Variants in PARD3 observed in about 807,000 individuals in gnomAD.
PARD3 encodes the protein partitioning defective 3 homolog.
Under a neutral mutation model 155.4 loss-of-function variants are expected in PARD3, and 75 were observed. The observed-to-expected ratio is 0.48, with a 90% CI of 0.40 to 0.58. PARD3 has a LOEUF of 0.58. PARD3 is among the 20% of genes least tolerant of loss of function. The probability of loss-of-function intolerance (pLI) is 0.00; values close to 1 mark genes in which losing one functional copy is unlikely to be tolerated. For missense variants in PARD3, 1,642 were observed against 1,721.7 expected, an observed-to-expected ratio of 0.95 and a Z score of 0.82; for synonymous variants, 576 against 610.5, an observed-to-expected ratio of 0.94 and a Z score of 0.83.
intron 2 of PARD3, among the ~76,000 whole-genome samples, chr10:34,641,675 C>T (rs747911568): frequency 4.6e-5 from 7 of 152,274 alleles, no homozygotes; most frequent in Non-Finnish European, 7.4e-5. Flanking sequence ...CTCCACATGG[C>T]GGAGCACCAC....
At chr10:34,233,882 A>G (rs1026782464) in intron 22 of PARD3, among the ~76,000 whole-genome samples, 3 of 152,074 alleles carry the variant, frequency 2.0e-5, no homozygotes, top group African/African-American at 7.3e-5. Context: ...CTGAGCTCCA[A>G]GGTGGCCCTT....
At chr10:34,648,311 T>A (rs1200694547) in intron 2 of PARD3, among the ~76,000 whole-genome samples, 1 of 152,238 alleles carries the variant, frequency 6.6e-6, no homozygotes, top group Non-Finnish European at 1.5e-5. Flanking sequence ...ATTTTTAATA[T>A]TGATGTATTT....
At chr10:34,736,348 T>G (rs1590880463) in intron 1 of PARD3, among the ~76,000 whole-genome samples, 1 of 135,322 alleles carries the variant, frequency 7.4e-6, no homozygotes, top group Admixed American at 7.4e-5. Context: ...TTTTTTTTGG[T>G]GATAGGGTCT....
chr10:34,230,828 G>T (rs1217019628), intron 22 of PARD3, among the ~76,000 whole-genome samples: 1 of 152,096 alleles, frequency 6.6e-6, no homozygotes, highest in African/African-American at 2.4e-5. Flanking sequence ...AGGAGTTTGA[G>T]AGCAGCCTGG....
chr10:34,217,753 C>T (rs913004749), intron 22 of PARD3, among the ~76,000 whole-genome samples: 1 of 152,156 alleles, frequency 6.6e-6, no homozygotes, highest in South Asian at 2.1e-4. Flanking sequence ...TTCATATTTA[C>T]TGAATTCCTA....
intron 1 of PARD3, among the ~76,000 whole-genome samples, chr10:34,724,435 T>A (rs1313948623): frequency 6.6e-6 from 1 of 151,238 alleles, no homozygotes; most frequent in Non-Finnish European, 1.5e-5. Flanking sequence ...GCTCATACAT[T>A]GGCTAGAAAA....
chr10:34,353,056 C>A (rs1838332224), intron 14 of PARD3, among the ~76,000 whole-genome samples: 1 of 150,690 alleles, frequency 6.6e-6, no homozygotes, highest in African/African-American at 2.4e-5. Context: ...AAGTGAGGAG[C>A]CCCTCCGCCC....
At chr10:34,622,819 C>CTTTTTT (rs1391152056) in intron 2 of PARD3, among the ~76,000 whole-genome samples, 8 of 129,740 alleles carry the variant, frequency 6.2e-5, no homozygotes, top group African/African-American at 2.3e-4. Context: ...AGTTGGTTTT[C>CTTTTTT]TTTTTTTCTT....
intron 4 of PARD3, among the ~76,000 whole-genome samples, chr10:34,464,667 C>G (rs2077890086): frequency 6.6e-6 from 1 of 152,072 alleles, no homozygotes; most frequent in Non-Finnish European, 1.5e-5. Context: ...TAAACATTAA[C>G]TATAAGAACT....
At chr10:34,114,982 T>G (rs1946586032) in intron 24 of PARD3, among the ~76,000 whole-genome samples, 2 of 151,696 alleles carry the variant, frequency 1.3e-5, no homozygotes, top group African/African-American at 4.9e-5. Flanking sequence ...GCAATAACTA[T>G]CACCTAAAGA....
In PARD3 at chr10:34,594,050, T is replaced by C. The variant is rs546573907; in HGVS notation, c.223-76891A>G. Among the ~76,000 whole-genome samples the C allele has an allele frequency of 9.8e-5, 15 of 152,326 alleles. 1 individual carries two copies. In the South Asian group the frequency reaches 1.9e-3, roughly 19 times the overall value. On this transcript the variant is annotated intron_variant, in intron 2 of 24. Transcript: ENST00000374788. ...CCCATTTTTCATAGATTTGCATTTA[T>C]TACAGCCTACAATTATGACTTATGC...
chr10:34,424,695 A>T (rs759601136), intron 5 of PARD3, among the ~76,000 whole-genome samples: 15 of 151,858 alleles, frequency 9.9e-5, no homozygotes, highest in African/African-American at 1.5e-4. Flanking sequence ...TTGTATTTTT[A>T]GTAGAGACGG....
chr10:34,397,490 TA>T (rs1363413462), intron 7 of PARD3, among the ~76,000 whole-genome samples: 1 of 152,230 alleles, frequency 6.6e-6, no homozygotes, highest in Non-Finnish European at 1.5e-5. Context: ...ATGACTCAGC[TA>T]TAAAAGAACT....
chr10:34,209,317 CAGG>C (rs1464770208), intron 22 of PARD3, among the ~76,000 whole-genome samples: 1 of 152,138 alleles, frequency 6.6e-6, no homozygotes, highest in African/African-American at 2.4e-5. Context: ...TTATCAGGAG[CAGG>C]AGCCCCAAGG....
chr10:34,798,479 TG>T (rs1842520932), intron 1 of PARD3, among the ~76,000 whole-genome samples: 1 of 150,904 alleles, frequency 6.6e-6, no homozygotes, highest in African/African-American at 2.4e-5. Flanking sequence ...CTGAGGCAGG[TG>T]GATCACCTGA....
intron 22 of PARD3, among the ~76,000 whole-genome samples, chr10:34,235,448 T>G (rs1953168828): frequency 6.6e-6 from 1 of 152,246 alleles, no homozygotes; most frequent in South Asian, 2.1e-4. Context: ...TTCAAATTGT[T>G]TGCCCTTGTC....
chr10:34,372,750 T>C (rs980808511), intron 11 of PARD3, among the ~76,000 whole-genome samples: 4 of 152,176 alleles, frequency 2.6e-5, no homozygotes, highest in Admixed American at 2.6e-4. Context: ...TTTTTCTAGA[T>C]ATACATTTTT....
chr10:34,779,243 C>G (rs778259727), intron 1 of PARD3, among the ~76,000 whole-genome samples: 2 of 151,704 alleles, frequency 1.3e-5, no homozygotes, highest in Non-Finnish European at 2.9e-5. Flanking sequence ...GAGGTGAAGG[C>G]TGCAGTGAGC....
intron 1 of PARD3, among the ~76,000 whole-genome samples, chr10:34,700,943 C>G (rs2094263717): frequency 6.6e-6 from 1 of 152,020 alleles, no homozygotes; most frequent in Admixed American, 6.6e-5. Context: ...CCACTGCACT[C>G]CAGCCTGAGC....
Sources: allele counts gnomAD v4.1 joint callset (sites outside exome capture counted in the v4.1 genomes callset), GRCh38; gene constraint gnomAD v4.1.1; transcripts MANE v1.5; gene names NCBI Gene and HGNC (gene_info 2026-07-23, HGNC 2026-07-21).